DIP2C: variants seen among roughly 807,000 people sequenced by gnomAD.
DIP2C encodes the protein disco-interacting protein 2 homolog C.
A neutral mutation model predicts 192.4 loss-of-function variants in DIP2C; 33 were observed. That is an observed-to-expected ratio of 0.17 (90% CI 0.13 to 0.23). The LOEUF (loss-of-function observed/expected upper bound fraction) is 0.23, where lower values mean the gene tolerates loss of function less well. Among genes scored for constraint, DIP2C ranks in the 10% least tolerant of loss-of-function variants. DIP2C has a pLI of 1.00. For synonymous variants in DIP2C, 979 were observed against 864.1 expected, an observed-to-expected ratio of 1.13 and a Z score of -2.33; for missense variants, 1,537 against 2,110.1, an observed-to-expected ratio of 0.73 and a Z score of 5.32.
intron 1 of DIP2C, among the ~76,000 whole-genome samples, chr10:575,737 G>C (rs1850109506): frequency 6.6e-6 from 1 of 152,210 alleles, no homozygotes; most frequent in Non-Finnish European, 1.5e-5. Context: ...GGCAGGGCAA[G>C]CTACAGCAGC....
intron 1 of DIP2C, among the ~76,000 whole-genome samples, chr10:609,367 A>C (rs1017979672): frequency 2.0e-5 from 3 of 152,220 alleles, no homozygotes; most frequent in African/African-American, 7.2e-5. Context: ...GTAAAATAAA[A>C]GCATCAAATA....
At chr10:339,185 T>C (rs995395408) in intron 29 of DIP2C, among the ~76,000 whole-genome samples, 1 of 152,158 alleles carries the variant, frequency 6.6e-6, no homozygotes, top group African/African-American at 2.4e-5. Context: ...GAAGTCATTA[T>C]TATTTTTAAC....
intron 1 of DIP2C, among the ~76,000 whole-genome samples, chr10:537,804 TC>T (rs1284148253): frequency 2.8e-5 from 4 of 141,574 alleles, no homozygotes; most frequent in Non-Finnish European, 4.5e-5. Context: ...TTTTTTTTTT[TC>T]CCCCGAGACC....
At chr10:311,437 T>C (rs1956562240) in intron 31 of DIP2C, 2 of 1,076,670 alleles carry the variant, frequency 1.9e-6, no homozygotes, top group East Asian at 3.2e-5. Flanking sequence ...CCCCGGCCAA[T>C]CTCTGCACTC....
intron 1 of DIP2C, among the ~76,000 whole-genome samples, chr10:679,057 C>T (rs181605136): frequency 3.5e-4 from 3 of 8,650 alleles, no homozygotes; most frequent in African/African-American, 5.1e-4. Context: ...CCACACCCGT[C>T]CTCCCCGCGC....
rs78589957 is a variant in DIP2C at position 280,515 on chromosome 10, G to A, written c.4418+685C>T. 9.9e-4 allele frequency among the ~76,000 whole-genome samples: 151 copies of A among 152,318 alleles called. 1 individual carries two copies. The highest frequency in any genetic ancestry group is 3.4e-3 in the African/African-American group (141 of 41,548). ...CCTGTAAAACTCCCCGGCCCTGGCC[G>A]ACTTAACTTACGGCACTCCAGCATC... On this transcript the variant is annotated intron_variant, in intron 36 of 36. Transcript: ENST00000280886.
At position 387,790 on chromosome 10, in the gene DIP2C, C is replaced by A; in HGVS notation, c.1617G>T (p.Val539=). The change falls in exon 14 of 37, where the codon GTG becomes GTT. Residue 539 remains valine (V), a synonymous_variant. Transcript: ENST00000280886. The part of the protein sequence containing the change: ...GYTEAETIVN[V]LDFKKDVGLW... ...GCCCGACGTCCTTCTTGAAATCCAG[C>A]ACATTCACAATGGTTTCAGCTGCAC... 2 of 1,614,226 alleles carry A rather than the reference C, an allele frequency of 1.2e-6. No homozygotes were observed. Among genetic ancestry groups the A allele is most frequent in the East Asian group, 2.2e-5 (1 of 44,884 alleles).
At chr10:449,512 C>T (rs11252492) in intron 3 of DIP2C, among the ~76,000 whole-genome samples, 25,017 of 151,244 alleles carry the variant, frequency 0.17, 5,112 homozygotes, top group African/African-American at 0.49. Context: ...AAGTGAGTAT[C>T]TTAAAGAGAA....
intron 29 of DIP2C, among the ~76,000 whole-genome samples, chr10:331,029 T>A (rs571046680): frequency 4.7e-5 from 7 of 148,650 alleles, no homozygotes; most frequent in Non-Finnish European, 1.0e-4. Flanking sequence ...TTGCCCAGGC[T>A]GGTCTCAAAC....
intron 1 of DIP2C, among the ~76,000 whole-genome samples, chr10:512,074 C>T (rs12358553): frequency 0.25 from 38,533 of 152,182 alleles, 6,097 homozygotes; most frequent in Non-Finnish European, 0.35. Context: ...TGCCTTCTTA[C>T]AAAGGCATGA....
rs114338144 is a variant in DIP2C, at chr10:341,904, A to G, written c.3454-575T>C. Among the ~76,000 whole-genome samples the G allele has an allele frequency of 8.5e-3, 1,293 of 152,234 alleles. 19 individuals carry two copies. Among genetic ancestry groups the G allele is most frequent in the African/African-American group, 0.03 (1,236 of 41,540 alleles). ...CAATAAATTTTAGAGAACAAAACCCAAAAGAACAACAAATGCACGATACCT... is the reference window on the plus strand; with the variant it reads ...CAATAAATTTTAGAGAACAAAACCCGAAAGAACAACAAATGCACGATACCT... On this transcript the variant is annotated intron_variant, in intron 28 of 36. Transcript: ENST00000280886.
chr10:336,895 GGTGTGTGTGT>G (rs112539860), intron 29 of DIP2C, among the ~76,000 whole-genome samples: 5 of 91,778 alleles, frequency 5.4e-5, no homozygotes, highest in African/African-American at 1.7e-4. Flanking sequence ...GGCCTAGGCA[GGTGTGTGTGT>G]GTGTGTGTGT....
intron 29 of DIP2C, among the ~76,000 whole-genome samples, chr10:339,195 CTT>C (rs1185438570): frequency 6.6e-6 from 1 of 152,112 alleles, no homozygotes; most frequent in Non-Finnish European, 1.5e-5. Flanking sequence ...TTATTTTTAA[CTT>C]ATGTATTAGT....
intron 1 of DIP2C, among the ~76,000 whole-genome samples, chr10:579,537 T>C (rs536968290): frequency 3.9e-5 from 6 of 152,048 alleles, no homozygotes; most frequent in African/African-American, 1.4e-4. Flanking sequence ...CACATCCAGA[T>C]CCATAAAGTG....
chr10:399,230 G>A lies in DIP2C; in HGVS notation c.1150-11C>T. 1.9e-6 allele frequency: 3 copies of A among 1,612,388 alleles called. No homozygotes were observed. Among genetic ancestry groups the A allele is most frequent in the Admixed American group, 1.7e-5 (1 of 60,026 alleles). On this transcript the variant is annotated splice_polypyrimidine_tract_variant and intron_variant, in intron 9 of 36. Transcript: ENST00000280886. Reference sequence around the variant, plus strand: ...GAACACCAGTGCCACCTGTGGGACAGGCCAGAGCGGGTCAGCATTAACGTG... The same window carrying A: ...GAACACCAGTGCCACCTGTGGGACAAGCCAGAGCGGGTCAGCATTAACGTG...
At chr10:295,895 T>G (rs1357962371) in intron 32 of DIP2C, among the ~76,000 whole-genome samples, 2 of 152,142 alleles carry the variant, frequency 1.3e-5, no homozygotes, top group East Asian at 3.9e-4. Flanking sequence ...TTTTCATGTG[T>G]TTTTTGGCTG....
intron 1 of DIP2C, among the ~76,000 whole-genome samples, chr10:502,579 C>A (rs1028532538): frequency 6.6e-6 from 1 of 151,990 alleles, no homozygotes; most frequent in African/African-American, 2.4e-5. Flanking sequence ...ACACCAAAAG[C>A]CTACGTATAA....
chr10:412,086 G>A lies in DIP2C; in HGVS notation c.1057+1827C>T, dbSNP rs138526704. The stretch of plus-strand genomic sequence containing the variant: ...TATGAATATTCAGTCTGTGTCTTAC[G>A]TCTCCCATTCATCTTAACCTTGCAG... On this transcript the variant is annotated intron_variant, in intron 8 of 36. Coordinates refer to ENST00000280886, the MANE Select transcript of DIP2C (RefSeq NM_014974.3). 5.8e-4 allele frequency among the ~76,000 whole-genome samples: 88 copies of A among 152,254 alleles called. 1 individual carries two copies. Among genetic ancestry groups the A allele is most frequent in the Middle Eastern group, 3.4e-3 (1 of 294 alleles).
rs149569180 is a variant in DIP2C at position 396,584 on chromosome 10, C to G, written c.1260+2525G>C. Among the ~76,000 whole-genome samples, 605 of 152,216 alleles carry G rather than the reference C, an allele frequency of 4.0e-3. 2 individuals carry two copies. Among genetic ancestry groups the G allele is most frequent in the Middle Eastern group, 0.014 (4 of 294 alleles). On this transcript the variant is annotated intron_variant, in intron 10 of 36. Transcript: ENST00000280886. Reference sequence around the variant, plus strand: ...TCGCTTAGAGACCTCAGAGCATGTCCAGAGAGCCCCTAACCATGGACATGA... The same window carrying G: ...TCGCTTAGAGACCTCAGAGCATGTCGAGAGAGCCCCTAACCATGGACATGA...
Sources: gnomAD v4.1 joint callset for allele counts (sites outside exome capture counted in the v4.1 genomes callset) on GRCh38, gnomAD v4.1.1 for gene constraint, MANE v1.5 for transcripts, NCBI Gene and HGNC (gene_info 2026-07-23, HGNC 2026-07-21) for gene names.